Variants in IQGAP2 observed in about 807,000 individuals in gnomAD.
IQGAP2 encodes the protein IQ motif containing GTPase activating protein 2, also known as ras GTPase-activating-like protein IQGAP2.
In IQGAP2, 173 loss-of-function variants were observed where a neutral mutation model predicts 201.3. The ratio of observed to expected loss-of-function variants is 0.86; its 90% CI spans 0.76 to 0.98. IQGAP2 has a LOEUF of 0.98. Among genes scored for constraint, IQGAP2 ranks in the 50% least tolerant of loss-of-function variants. The probability of loss-of-function intolerance (pLI) is 0.00; values close to 1 mark genes in which losing one functional copy is unlikely to be tolerated. For synonymous variants in IQGAP2, 675 were observed against 673.9 expected (o/e 1.00, Z -0.03); for missense variants, 1,687 against 1,864.8 (o/e 0.90, Z 1.76).
At chr5:76,456,335 C>T (rs1190088791) in intron 1 of IQGAP2, among the ~76,000 whole-genome samples, 2 of 152,158 alleles carry the variant, frequency 1.3e-5, no homozygotes, top group African/African-American at 4.8e-5. Context: ...CTAGGGTTTG[C>T]CTATTTTTCA....
At chr5:76,452,201 C>A (rs1484287556) in intron 1 of IQGAP2, among the ~76,000 whole-genome samples, 1 of 147,494 alleles carries the variant, frequency 6.8e-6, no homozygotes, top group Non-Finnish European at 1.5e-5. Context: ...AGGCGTGAGC[C>A]ACCACGCCCA....
At chr5:76,495,348 G>A (rs1202513953) in intron 2 of IQGAP2, among the ~76,000 whole-genome samples, 1 of 152,158 alleles carries the variant, frequency 6.6e-6, no homozygotes, top group Non-Finnish European at 1.5e-5. Flanking sequence ...TGTTAGGTAG[G>A]ACATGGACTT....
chr5:76,418,578 A>G (rs2070110593), intron 1 of IQGAP2, among the ~76,000 whole-genome samples: 1 of 130,826 alleles, frequency 7.6e-6, no homozygotes, highest in Admixed American at 8.3e-5. Flanking sequence ...TGGGTCACAG[A>G]GTGAGACTCC....
At chr5:76,480,035 T>TA (rs1044843635) in intron 2 of IQGAP2, among the ~76,000 whole-genome samples, 6 of 8,820 alleles carry the variant, frequency 6.8e-4, no homozygotes, top group Admixed American at 1.5e-3. Flanking sequence ...CGATATGGTT[T>TA]AAGTGTGGGA....
intron 2 of IQGAP2, among the ~76,000 whole-genome samples, chr5:76,491,336 A>T (rs912683528): frequency 1.3e-5 from 2 of 152,198 alleles, no homozygotes; most frequent in Non-Finnish European, 2.9e-5. Context: ...TACTTCCTTT[A>T]ATTAAATAAT....
At position 76,562,849 on chromosome 5, in the gene IQGAP2, G is replaced by A. The variant is rs111887338; in HGVS notation, c.303+297G>A. ...AGTGCCAGTAAAGGTAAAAGTGGGGGCATGCTACCACTCCTTTTTTCACTT... is the reference window on the plus strand; with the variant it reads ...AGTGCCAGTAAAGGTAAAAGTGGGGACATGCTACCACTCCTTTTTTCACTT... On this transcript the variant is annotated intron_variant, in intron 3 of 35. Transcript: ENST00000274364. 9.8e-3 allele frequency among the ~76,000 whole-genome samples: 1,485 copies of A among 152,264 alleles called. 7 individuals are homozygous for A. The highest frequency in any genetic ancestry group is 0.016 in the Non-Finnish European group (1,058 of 68,012).
At chr5:76,653,767 T>A (rs1387812819) in intron 18 of IQGAP2, among the ~76,000 whole-genome samples, 1 of 152,204 alleles carries the variant, frequency 6.6e-6, no homozygotes, top group East Asian at 1.9e-4. Context: ...TCATGAGACC[T>A]CTTCGATGTT....
At chr5:76,601,774 A>G (rs1412392770) in intron 11 of IQGAP2, among the ~76,000 whole-genome samples, 1 of 152,182 alleles carries the variant, frequency 6.6e-6, no homozygotes, top group Non-Finnish European at 1.5e-5. Context: ...CCAAGGAAAA[A>G]CCAGAGATTT....
At chr5:76,559,729 C>A (rs1323515321) in intron 2 of IQGAP2, among the ~76,000 whole-genome samples, 1 of 152,222 alleles carries the variant, frequency 6.6e-6, no homozygotes, top group Non-Finnish European at 1.5e-5. Context: ...AAAGAAGGGG[C>A]CACTGTGGAG....
intron 20 of IQGAP2, among the ~76,000 whole-genome samples, chr5:76,655,794 A>G (rs766800555): frequency 3.9e-5 from 6 of 152,178 alleles, no homozygotes; most frequent in Admixed American, 1.3e-4. Context: ...AAAAATAACA[A>G]TCACATTTTG....
chr5:76,502,508 G>A (rs1757336076), intron 2 of IQGAP2, among the ~76,000 whole-genome samples: 1 of 152,204 alleles, frequency 6.6e-6, no homozygotes, highest in East Asian at 1.9e-4. Flanking sequence ...ACAATAAAAG[G>A]AGTGGAGGAA....
intron 2 of IQGAP2, among the ~76,000 whole-genome samples, chr5:76,528,479 C>T (rs1759098628): frequency 6.6e-6 from 1 of 152,118 alleles, no homozygotes; most frequent in African/African-American, 2.4e-5. Flanking sequence ...GAGATGGACC[C>T]TTGATGGGGT....
intron 2 of IQGAP2, among the ~76,000 whole-genome samples, chr5:76,511,390 C>T (rs992291453): frequency 6.6e-6 from 1 of 152,202 alleles, no homozygotes; most frequent in Non-Finnish European, 1.5e-5. Context: ...GGGCCAAGCT[C>T]GCTGGACCTG....
At chr5:76,531,218 G>A (rs1759269593) in intron 2 of IQGAP2, among the ~76,000 whole-genome samples, 1 of 152,002 alleles carries the variant, frequency 6.6e-6, no homozygotes, top group Admixed American at 6.6e-5. Flanking sequence ...GGTGGCAGAG[G>A]GGCAGAAGAG....
At chr5:76,470,612 T>C (rs12109439) in intron 2 of IQGAP2, among the ~76,000 whole-genome samples, 59,337 of 151,952 alleles carry the variant, frequency 0.39, 12,466 homozygotes, top group Middle Eastern at 0.47. Context: ...GGTCTTGCTG[T>C]GTTGCCCAGG....
At chr5:76,543,324 C>T (rs542287425) in intron 2 of IQGAP2, among the ~76,000 whole-genome samples, 12 of 152,250 alleles carry the variant, frequency 7.9e-5, no homozygotes, top group Non-Finnish European at 1.0e-4. Flanking sequence ...GTTTTCAGCC[C>T]GTCTCTCTGT....
intron 2 of IQGAP2, among the ~76,000 whole-genome samples, chr5:76,539,623 C>T (rs1742622540): frequency 6.6e-6 from 1 of 152,158 alleles, no homozygotes; most frequent in Non-Finnish European, 1.5e-5. Flanking sequence ...GCACTAGAAC[C>T]TTGCCCTCCC....
chr5:76,461,509 G>T, intron 1 of IQGAP2, 61 bp from the exon 2 acceptor site: 1 of 1,132,960 alleles, frequency 8.8e-7, no homozygotes, highest in East Asian at 2.4e-5. Flanking sequence ...CTGATTGATT[G>T]TCTCAGGTGT....
chr5:76,686,569 GCA>G (rs1745774300), intron 30 of IQGAP2, among the ~76,000 whole-genome samples: 1 of 152,094 alleles, frequency 6.6e-6, no homozygotes, highest in Admixed American at 6.6e-5. Context: ...GAGTGCAGTG[GCA>G]TGATCTCGGG....
Sources: allele counts gnomAD v4.1 joint callset (sites outside exome capture counted in the v4.1 genomes callset), GRCh38; gene constraint gnomAD v4.1.1; transcripts MANE v1.5; gene names NCBI Gene and HGNC (gene_info 2026-07-23, HGNC 2026-07-21).